The following PKP2 variants were observed in gnomAD, a reference collection of about 807,000 sequenced individuals.
PKP2 encodes plakophilin 2.
Under a neutral mutation model 83.4 loss-of-function variants are expected in PKP2, and 73 were observed. The observed-to-expected ratio is 0.88, with a 90% CI of 0.72 to 1.06. PKP2 has a LOEUF of 1.06. PKP2 is among the 50% of genes least tolerant of loss of function. The pLI is 0.00. For missense variants in PKP2, 966 were observed against 1,065.4 expected (o/e 0.91, Z 1.30); for synonymous variants, 409 against 430.4 (o/e 0.95, Z 0.62).
In PKP2 at chr12:32,896,282, A is replaced by G. The variant is rs574809429; in HGVS notation, c.223+227T>C. Among the ~76,000 whole-genome samples the G allele has an allele frequency of 2.7e-4, 41 of 152,332 alleles. 2 individuals are homozygous for G. The highest frequency in any genetic ancestry group is 5.9e-5 in the Non-Finnish European group (4 of 68,036). On this transcript the variant is annotated intron_variant, in intron 1 of 12. Transcript: ENST00000340811. ...GAAGTGAGTTAGTTAACATTGATAG[A>G]TATGTACAATATTTAATATACATAG...
intron 3 of PKP2, among the ~76,000 whole-genome samples, chr12:32,870,180 T>C (rs1000038586): frequency 6.6e-6 from 1 of 152,166 alleles, no homozygotes; most frequent in Non-Finnish European, 1.5e-5. Context: ...AGAAGGAGTT[T>C]TCCAATATCT....
chr12:32,822,242 C>T (rs1301611349), intron 8 of PKP2, among the ~76,000 whole-genome samples: 2 of 152,214 alleles, frequency 1.3e-5, no homozygotes, highest in Non-Finnish European at 2.9e-5. Context: ...ATCTCTTCCA[C>T]TTATTTGCTG....
intron 5 of PKP2, among the ~76,000 whole-genome samples, chr12:32,842,387 C>T (rs1266045390): frequency 1.3e-5 from 2 of 151,922 alleles, no homozygotes; most frequent in Non-Finnish European, 1.5e-5. Flanking sequence ...GAATTACAGG[C>T]GCCCGCCACC....
At position 32,824,345 on chromosome 12, in the gene PKP2, T is replaced by C. The variant is rs1956413360; in HGVS notation, c.1557-183A>G. On this transcript the variant is annotated intron_variant, in intron 6 of 12. Coordinates refer to ENST00000340811, the MANE Select transcript of PKP2 (RefSeq NM_001005242.3). The stretch of plus-strand genomic sequence containing the variant: ...TAATAGATCAACTATGAACATACTT[T>C]CTAAATATTTCCAAACAACACGTAA... 9.9e-6 allele frequency: 6 copies of C among 605,876 alleles called. No homozygotes were observed. In the Admixed American group the frequency reaches 1.4e-4, roughly 14 times the overall value. The allele number at this position is 605,876 out of a possible 1,614,324, so 37.5% of individuals were successfully genotyped here.
Position 32,858,143 on chromosome 12 carries a change from T to A in PKP2, c.1171-7170A>T, listed in dbSNP as rs1258733561. Among the ~76,000 whole-genome samples, 88 of 108,152 alleles carry A rather than the reference T, an allele frequency of 8.1e-4. 3 individuals are homozygous for A. Among genetic ancestry groups the A allele is most frequent in the African/African-American group, 2.7e-3 (85 of 31,204 alleles). 71.0% of individuals were successfully genotyped at this position (108,152 alleles called of 152,430 possible). A position where few individuals can be genotyped will look rare whatever the true frequency, so the allele number is the denominator to read the frequency against. Reference sequence around the variant, plus strand: ...TATATATATTTTATATTTATATATATATATATATAAATATATATAAAAGCC... The same window carrying A: ...TATATATATTTTATATTTATATATAAATATATATAAATATATATAAAAGCC... On this transcript the variant is annotated intron_variant, in intron 4 of 12. Coordinates refer to ENST00000340811, the MANE Select transcript of PKP2 (RefSeq NM_001005242.3).
At chr12:32,895,815 C>A (rs1239288742) in intron 1 of PKP2, among the ~76,000 whole-genome samples, 3 of 152,206 alleles carry the variant, frequency 2.0e-5, no homozygotes, top group African/African-American at 7.2e-5. Flanking sequence ...TGCATCACGC[C>A]CGCACTGGTG....
At chr12:32,838,162 C>T (rs1459474189) in intron 6 of PKP2, among the ~76,000 whole-genome samples, 2 of 152,166 alleles carry the variant, frequency 1.3e-5, no homozygotes, top group Admixed American at 6.5e-5. Context: ...AGAATGAAAT[C>T]GTGTCCTTGG....
At chr12:32,843,595 G>C (rs949310747) in intron 5 of PKP2, among the ~76,000 whole-genome samples, 1 of 152,206 alleles carries the variant, frequency 6.6e-6, no homozygotes, top group African/African-American at 2.4e-5. Flanking sequence ...AGCCTACACA[G>C]AGCTTCCATT....
intron 4 of PKP2, among the ~76,000 whole-genome samples, chr12:32,864,742 T>C (rs539920941): frequency 6.6e-6 from 1 of 152,174 alleles, no homozygotes; most frequent in Non-Finnish European, 1.5e-5. Context: ...AAGAATAAAA[T>C]GGATGGACTA....
At position 32,871,552 on chromosome 12, in the gene PKP2, G is replaced by A. The variant is rs955510836; in HGVS notation, c.1035-2490C>T. ...ACGATCTCGGCTCACTGCAACCTCT[G>A]CCTCCCAGGTTCAAGCAATTCTCCT... On this transcript the variant is annotated intron_variant, in intron 3 of 12. Transcript: ENST00000340811. Among the ~76,000 whole-genome samples the A allele has an allele frequency of 6.9e-4, 105 of 151,820 alleles. 1 individual carries two copies. Among genetic ancestry groups the A allele is most frequent in the Admixed American group, 6.8e-3 (104 of 15,248 alleles).
At position 32,795,190 on chromosome 12, in the gene PKP2, CT is replaced by C. The variant is rs71298051; in HGVS notation, c.2357+918del. Among the ~76,000 whole-genome samples, 785 of 144,610 alleles carry C rather than the reference CT, an allele frequency of 5.4e-3. 7 individuals carry two copies. Among genetic ancestry groups the C allele is most frequent in the African/African-American group, 0.016 (633 of 39,584 alleles). The allele number at this position is 144,610 out of a possible 152,430, so 94.9% of individuals were successfully genotyped here. A position where few individuals can be genotyped will look rare whatever the true frequency, so the allele number is the denominator to read the frequency against. ...TTATACAAGGTTTTTCATTCTCCTC[CT>C]TTTTTTTTTTAATAGGGAAAAGTTG... On this transcript the variant is annotated intron_variant, in intron 11 of 12. Coordinates refer to ENST00000340811, the MANE Select transcript of PKP2 (RefSeq NM_001005242.3).
chr12:32,860,885 G>A (rs1471365611), intron 4 of PKP2, among the ~76,000 whole-genome samples: 10 of 152,048 alleles, frequency 6.6e-5, no homozygotes, highest in Admixed American at 3.3e-4. Flanking sequence ...AAAATTAGCC[G>A]GGCATGGTGG....
At chr12:32,828,670 G>T (rs954504658) in intron 6 of PKP2, among the ~76,000 whole-genome samples, 3 of 152,168 alleles carry the variant, frequency 2.0e-5, no homozygotes, top group African/African-American at 4.8e-5. Flanking sequence ...GTTTGTCTGT[G>T]GCTATGTGCA....
At chr12:32,835,123 G>A (rs1956533607) in intron 6 of PKP2, among the ~76,000 whole-genome samples, 1 of 150,856 alleles carries the variant, frequency 6.6e-6, no homozygotes, top group Admixed American at 6.6e-5. Flanking sequence ...GCGCGACTTC[G>A]GCTCACTGCA....
chr12:32,797,491 G>A (rs1214661786), intron 10 of PKP2, among the ~76,000 whole-genome samples: 1 of 134,862 alleles, frequency 7.4e-6, no homozygotes, highest in Non-Finnish European at 1.6e-5. Context: ...AAAAACCCAC[G>A]TAAGAAACCT....
At chr12:32,808,400 T>C (rs1956245043) in intron 9 of PKP2, among the ~76,000 whole-genome samples, 1 of 152,222 alleles carries the variant, frequency 6.6e-6, no homozygotes, top group South Asian at 2.1e-4. Flanking sequence ...CTCTCTAAAC[T>C]GGCTATTCTG....
intron 4 of PKP2, among the ~76,000 whole-genome samples, chr12:32,851,207 T>C (rs2137864153): frequency 6.6e-6 from 1 of 152,152 alleles, no homozygotes; most frequent in African/African-American, 2.4e-5. Context: ...ATGAAATAAT[T>C]GAAGGGGAAG....
rs10607965 is a variant in PKP2, at chr12:32,825,162, CTTTTTTTTTTT to C, written c.1557-1011_1557-1001del. Reference sequence around the variant, plus strand: ...CCTATAAAATGTATCAGATCAGTTTCTTTTTTTTTTTTTTTTTTTTTTTTGAGACGGAGTCT... The same window carrying C: ...CCTATAAAATGTATCAGATCAGTTTCTTTTTTTTTTTTTGAGACGGAGTCT... On this transcript the variant is annotated intron_variant, in intron 6 of 12. Coordinates refer to ENST00000340811, the MANE Select transcript of PKP2 (RefSeq NM_001005242.3). 1.2e-4 allele frequency among the ~76,000 whole-genome samples: 9 copies of C among 76,842 alleles called. No homozygotes were observed. In the South Asian group the frequency reaches 2.1e-3, roughly 18 times the overall value. 50.4% of individuals were successfully genotyped at this position (76,842 alleles called of 152,430 possible).
chr12:32,889,439 A>G (rs750455155), intron 1 of PKP2, among the ~76,000 whole-genome samples: 2 of 152,114 alleles, frequency 1.3e-5, no homozygotes, highest in African/African-American at 4.8e-5. Context: ...CAAAGAGGTT[A>G]TTTTCTCTTC....
Sources: allele counts gnomAD v4.1 joint callset (sites outside exome capture counted in the v4.1 genomes callset), GRCh38; gene constraint gnomAD v4.1.1; transcripts MANE v1.5; gene names NCBI Gene and HGNC (gene_info 2026-07-23, HGNC 2026-07-21).